DPH7: variants seen among roughly 807,000 people sequenced by gnomAD.
The protein encoded by DPH7 is diphthamide biosynthesis 7.
In DPH7, 44 loss-of-function variants were observed where a neutral mutation model predicts 41.7. The ratio of observed to expected loss-of-function variants is 1.05; its 90% CI spans 0.83 to 1.36. The LOEUF (loss-of-function observed/expected upper bound fraction) is 1.36. Among genes scored for constraint, DPH7 ranks in the 40% most tolerant of loss-of-function variants. The pLI, the probability that DPH7 is intolerant of heterozygous loss-of-function variation, is 0.00. For synonymous variants in DPH7, 275 were observed against 238.0 expected, an observed-to-expected ratio of 1.16 and a Z score of -1.43; for missense variants, 629 against 577.5, an observed-to-expected ratio of 1.09 and a Z score of -0.91.
At chr9:137,573,708 AAAG>A in intron 5 of DPH7, among the ~76,000 whole-genome samples, 2 of 150,580 alleles carry the variant, frequency 1.3e-5, no homozygotes, top group Admixed American at 6.6e-5. Flanking sequence ...AAAAAAAAAA[AAAG>A]AATAGCTAAG....
chr9:137,577,004 T>C (rs1037022893), intron 2 of DPH7, among the ~76,000 whole-genome samples: 4 of 150,362 alleles, frequency 2.7e-5, no homozygotes, highest in African/African-American at 9.9e-5. Context: ...CAGTGAGCTA[T>C]GATCACGTGA....
chr9:137,576,716 C>G (rs1329813833), intron 2 of DPH7, among the ~76,000 whole-genome samples: 2 of 152,120 alleles, frequency 1.3e-5, no homozygotes, highest in Non-Finnish European at 2.9e-5. Context: ...GGTGAAACCA[C>G]GTCTCTACTA....
intron 8 of DPH7, among the ~76,000 whole-genome samples, chr9:137,558,535 A>T (rs1837921708): frequency 6.6e-6 from 1 of 152,254 alleles, no homozygotes; most frequent in African/African-American, 2.4e-5. Flanking sequence ...AACAGGGGTG[A>T]ACCTTGAAAA....
At chr9:137,571,717 G>A (rs1382200335) in intron 5 of DPH7, among the ~76,000 whole-genome samples, 1 of 152,122 alleles carries the variant, frequency 6.6e-6, no homozygotes, top group South Asian at 2.1e-4. Context: ...GAACCCAGGA[G>A]GTGGAGGTTG....
At chr9:137,569,024 G>C (rs557838403) in intron 5 of DPH7, among the ~76,000 whole-genome samples, 3 of 152,094 alleles carry the variant, frequency 2.0e-5, no homozygotes, top group Admixed American at 1.3e-4. Context: ...TTAGGGGAAC[G>C]AAAAGGATGG....
chr9:137,578,065 GC>G, intron 1 of DPH7: 2 of 890,372 alleles, frequency 2.2e-6, no homozygotes, highest in Non-Finnish European at 2.7e-6. Flanking sequence ...TGCCTGTGGT[GC>G]CAGCTACTCA....
rs112918377 is a variant in DPH7 at position 137,556,271 on chromosome 9, AGAGGGAATGAC to A, written c.950-634_950-624del. ...ACTGCCTCCCAGAGCACACAGCAAC[AGAGGGAATGAC>A]GAGGCGTGGCCAAACCCGAGGCGAT... On this transcript the variant is annotated intron_variant, in intron 8 of 8. Transcript: ENST00000277540. This position sits in a 1 kb window ranked among gnomAD's most constrained non-coding sequence, Gnocchi z 5.2. Among the ~76,000 whole-genome samples the A allele has an allele frequency of 2.6e-5, 4 of 152,368 alleles. No individual in the cohort carries two copies. Among genetic ancestry groups the A allele is most frequent in the African/African-American group, 7.2e-5 (3 of 41,596 alleles).
chr9:137,574,611 C>A (rs1206787326), intron 4 of DPH7, 141 bp downstream of exon 4: 1 of 918,592 alleles, frequency 1.1e-6, no homozygotes, highest in Non-Finnish European at 1.7e-6. Flanking sequence ...ACCTTTTTTT[C>A]ATAATAGGAC....
At chr9:137,570,477 A>T (rs1257352735) in intron 5 of DPH7, among the ~76,000 whole-genome samples, 1 of 152,204 alleles carries the variant, frequency 6.6e-6, no homozygotes, top group African/African-American at 2.4e-5. Context: ...GGGCTGTCTC[A>T]TCACCTGCCC....
chr9:137,578,839 T>A lies in DPH7; in HGVS notation c.-62A>T. On this transcript the variant is annotated 5_prime_UTR_variant, in exon 1 of 9. Transcript: ENST00000277540. ...GGCGGGTCGGCGGGGCCGGGCTGGG[T>A]ACTGCGCGGGGCGGCGAGGCCGGGG... 74 of 1,343,640 alleles carry A rather than the reference T, an allele frequency of 5.5e-5. No homozygotes were observed. Among genetic ancestry groups the A allele is most frequent in the Non-Finnish European group, 6.9e-5 (72 of 1,043,832 alleles). 83.2% of individuals were successfully genotyped at this position (1,343,640 alleles called of 1,614,324 possible).
intron 8 of DPH7, among the ~76,000 whole-genome samples, chr9:137,562,512 A>C (rs780872289): frequency 1.3e-5 from 2 of 152,270 alleles, no homozygotes; most frequent in Non-Finnish European, 2.9e-5. Context: ...GAGATGAATG[A>C]AAATAAAAAT....
At chr9:137,563,515 G>A (rs1170958889) in intron 8 of DPH7, among the ~76,000 whole-genome samples, 1 of 128,886 alleles carries the variant, frequency 7.8e-6, no homozygotes. Flanking sequence ...CTGGGTGACA[G>A]AGCAAGACTC....
At chr9:137,557,732 T>A (rs1406707743) in intron 8 of DPH7, among the ~76,000 whole-genome samples, 1 of 150,142 alleles carries the variant, frequency 6.7e-6, no homozygotes, top group Non-Finnish European at 1.5e-5. Context: ...GGCAGGAGAA[T>A]CCCCTGAACC....
In DPH7 at chr9:137,578,691, G is replaced by A; in HGVS notation, c.87C>T (p.His29=). 3 of 1,531,082 alleles carry A rather than the reference G, an allele frequency of 2.0e-6. No individual in the cohort carries two copies. Among genetic ancestry groups the A allele is most frequent in the Non-Finnish European group, 1.8e-6 (2 of 1,140,140 alleles). The allele number at this position is 1,531,082 out of a possible 1,614,324, so 94.8% of individuals were successfully genotyped here. A position where few individuals can be genotyped will look rare whatever the true frequency, so the allele number is the denominator to read the frequency against. The change falls in exon 1 of 9, where the codon CAC becomes CAT. Residue 29 remains histidine (H), a synonymous_variant. Coordinates refer to ENST00000277540, the MANE Select transcript of DPH7 (RefSeq NM_138778.5). The part of the protein sequence containing the change: ...VEWCPLQGCR[H]LLACGTYQLR... ...GCTGGTAGGTCCCGCACGCCAGCAG[G>A]TGCCTGCAGCCTTGCAGCGGGCACC...
At chr9:137,574,664 G>A (rs756341303) in intron 4 of DPH7, 88 bp downstream of exon 4, 5 of 1,279,322 alleles carry the variant, frequency 3.9e-6, no homozygotes, top group Non-Finnish European at 4.5e-6. Flanking sequence ...GTCGCAGCTC[G>A]CTGAAGGTGG....
chr9:137,569,277 T>C (rs12683290), intron 5 of DPH7, among the ~76,000 whole-genome samples: 30,016 of 82,680 alleles, frequency 0.36, 3,824 homozygotes, highest in Admixed American at 0.48. Context: ...GACCTCACCC[T>C]ATCCAAAATT....
In DPH7 at chr9:137,576,174, A is replaced by G. The variant is rs1355622356; in HGVS notation, c.288-7T>C. 1.2e-6 allele frequency: 2 copies of G among 1,613,320 alleles called. No homozygotes were observed. Among genetic ancestry groups the G allele is most frequent in the African/African-American group, 2.7e-5 (2 of 74,924 alleles). ...AGCCACCGGGATGTGACACCTGAGG[A>G]GAGGGCCCACCATAAGCACACCAAT... On this transcript the variant is annotated splice_polypyrimidine_tract_variant and splice_region_variant and intron_variant, in intron 2 of 8. Coordinates refer to ENST00000277540, the MANE Select transcript of DPH7 (RefSeq NM_138778.5).
chr9:137,578,888 C>G lies in DPH7; in HGVS notation c.-111G>C. 8.6e-7 allele frequency: 1 copy of G among 1,156,428 alleles called. No individual in the cohort carries two copies. The highest frequency in any genetic ancestry group is 1.1e-6 in the Non-Finnish European group (1 of 903,660). The allele number at this position is 1,156,428 out of a possible 1,614,324, so 71.6% of individuals were successfully genotyped here. On this transcript the variant is annotated 5_prime_UTR_variant, in exon 1 of 9. Transcript: ENST00000277540. ...GGCCGGCCGGACGAGCGCAGAGCCC[C>G]AGGGACACCGTCAGCGCGGGCCGCC...
intron 8 of DPH7, among the ~76,000 whole-genome samples, chr9:137,559,925 TAC>T (rs1259726529): frequency 6.6e-6 from 1 of 152,248 alleles, no homozygotes; most frequent in African/African-American, 2.4e-5. Flanking sequence ...TCTTTATTTC[TAC>T]ACTCTCTCGT....
Sources: allele counts gnomAD v4.1 joint callset (sites outside exome capture counted in the v4.1 genomes callset), GRCh38; gene constraint gnomAD v4.1.1; non-coding constraint Gnocchi (gnomAD v3.1); transcripts MANE v1.5; gene names NCBI Gene and HGNC (gene_info 2026-07-23, HGNC 2026-07-21).